CCDC82: variants seen among roughly 807,000 people sequenced by gnomAD.
The protein encoded by CCDC82 is coiled-coil domain-containing protein 82.
In CCDC82, 47 loss-of-function variants were observed where a neutral mutation model predicts 60.6. The observed-to-expected ratio is 0.77, with a 90% CI of 0.61 to 0.99. CCDC82 has a LOEUF of 0.99. Ranked by LOEUF, CCDC82 falls within the 50% of genes least tolerant of loss-of-function variation. The probability of loss-of-function intolerance (pLI) is 0.00; values close to 1 mark genes in which losing one functional copy is unlikely to be tolerated. For synonymous variants in CCDC82, 212 were observed against 207.4 expected, an observed-to-expected ratio of 1.02 and a Z score of -0.19; for missense variants, 588 against 633.0, an observed-to-expected ratio of 0.93 and a Z score of 0.76.
At position 96,383,296 on chromosome 11, in the gene CCDC82, G is replaced by C. The variant is rs988454017; in HGVS notation, c.964C>G (p.Leu322Val). 1 of 1,594,072 alleles carries C rather than the reference G, an allele frequency of 6.3e-7. No individual in the cohort carries two copies. The highest frequency in any genetic ancestry group is 1.3e-5 in the African/African-American group (1 of 74,646). The change falls in exon 5 of 10, where the codon CTG becomes GTG. Residue 322 changes from leucine to valine, a missense_variant. By Grantham distance (32) the Leu-to-Val change is conservative. Coordinates refer to ENST00000646818, the MANE Select transcript of CCDC82 (RefSeq NM_024725.4). Reference protein sequence around the residue: ...QQGEKLTTSQLKLVKQNSLYS... With the variant: ...QQGEKLTTSQVKLVKQNSLYS... ...AGAGAATTCTGTTTTACTAATTTCA[G>C]TTGTGATGTAGTCAATTTTTCTCCT...
At position 96,364,835 on chromosome 11, in the gene CCDC82, A is replaced by G. The variant is rs546743975; in HGVS notation, c.1380+145T>C. ...CCTATTAGATGAACAGCTATCTTCC[A>G]TTATTTACTTGTGGGTTGCCAATTT... On this transcript the variant is annotated intron_variant, in intron 8 of 9. Coordinates refer to ENST00000646818, the MANE Select transcript of CCDC82 (RefSeq NM_024725.4). 40 of 619,856 alleles carry G rather than the reference A, an allele frequency of 6.5e-5. No individual in the cohort carries two copies. In the Middle Eastern group the frequency reaches 1.3e-3, roughly 21 times the overall value. 38.4% of individuals were successfully genotyped at this position (619,856 alleles called of 1,614,324 possible). A position where few individuals can be genotyped will look rare whatever the true frequency, so the allele number is the denominator to read the frequency against.
chr11:96,358,504 A>T (rs926240640), intron 9 of CCDC82: 2 of 1,231,834 alleles, frequency 1.6e-6, no homozygotes, highest in African/African-American at 3.1e-5. Flanking sequence ...TACAGTGCTC[A>T]CTGCTCAGTC....
intron 5 of CCDC82, chr11:96,381,500 T>C (rs987544305): frequency 6.6e-6 from 1 of 151,692 alleles, no homozygotes; most frequent in Non-Finnish European, 1.5e-5. Context: ...TTGGAAAGAA[T>C]GCACTCAAAG....
At chr11:96,369,956 C>T in intron 7 of CCDC82, among the ~76,000 whole-genome samples, 1 of 152,306 alleles carries the variant, frequency 6.6e-6, no homozygotes, top group East Asian at 1.9e-4. Context: ...TACAGTATTT[C>T]ATTTCACAAT....
intron 1 of CCDC82, chr11:96,388,468 T>C (rs1326723592): frequency 6.6e-6 from 1 of 152,178 alleles, no homozygotes; most frequent in African/African-American, 2.4e-5. Flanking sequence ...CATCTTTGTG[T>C]TTCATGGTTA....
intron 6 of CCDC82, among the ~76,000 whole-genome samples, chr11:96,372,625 TATATATATAA>T (rs1344429451): frequency 4.8e-5 from 7 of 145,480 alleles, no homozygotes; most frequent in Non-Finnish European, 9.0e-5. Context: ...AATGGGGATA[TATATATATAA>T]ATATAAATAT....
chr11:96,374,356 G>A (rs1465682327), intron 5 of CCDC82, among the ~76,000 whole-genome samples: 1 of 152,030 alleles, frequency 6.6e-6, no homozygotes, highest in African/African-American at 2.4e-5. Context: ...AAAGAAAGAT[G>A]GGATTCAACA....
chr11:96,388,956 C>T (rs1866371774), intron 1 of CCDC82: 2 of 152,262 alleles, frequency 1.3e-5, no homozygotes, highest in South Asian at 4.1e-4. Context: ...GTCTCTGCTC[C>T]CAAGGAGCTC....
chr11:96,377,005 T>G (rs1317356504), intron 5 of CCDC82, among the ~76,000 whole-genome samples: 1 of 152,154 alleles, frequency 6.6e-6, no homozygotes, highest in Non-Finnish European at 1.5e-5. Flanking sequence ...CTCTGCTTTC[T>G]CCCACAACCC....
At chr11:96,360,983 A>G (rs1052438821) in intron 8 of CCDC82, among the ~76,000 whole-genome samples, 1 of 152,242 alleles carries the variant, frequency 6.6e-6, no homozygotes, top group Non-Finnish European at 1.5e-5. Context: ...CATTAGAAGT[A>G]AACAGGTATT....
chr11:96,356,558 C>T (rs1275089781), intron 9 of CCDC82: 1 of 985,038 alleles, frequency 1.0e-6, no homozygotes, highest in Non-Finnish European at 1.2e-6. Flanking sequence ...ACACTTTCTT[C>T]TTAATGAACA....
chr11:96,358,602 C>T, intron 9 of CCDC82: 1 of 1,234,200 alleles, frequency 8.1e-7, no homozygotes, highest in Non-Finnish European at 1.0e-6. Context: ...TCTTCACTCT[C>T]AGGTCACAAG....
At chr11:96,371,474 C>A (rs7928241) in intron 6 of CCDC82, among the ~76,000 whole-genome samples, 1 of 152,046 alleles carries the variant, frequency 6.6e-6, no homozygotes, top group South Asian at 2.1e-4. Flanking sequence ...CCCAGCTACT[C>A]GGGAGGCTGA....
chr11:96,360,175 T>A (rs1003729141), intron 8 of CCDC82, among the ~76,000 whole-genome samples: 65 of 144,106 alleles, frequency 4.5e-4, no homozygotes, highest in Non-Finnish European at 3.0e-4. Flanking sequence ...TATTAAAATA[T>A]TTATTTAAAT....
In CCDC82 at chr11:96,356,461, GCTTT is replaced by G. The variant is rs1330236792; in HGVS notation, c.1566+2528_1566+2531del. The G allele has an allele frequency of 3.0e-6, 3 of 985,194 alleles. No individual in the cohort carries two copies. The African/African-American group carries it at 5.2e-5, about 17-fold the overall frequency. 61.0% of individuals were successfully genotyped at this position (985,194 alleles called of 1,614,324 possible). On this transcript the variant is annotated intron_variant, in intron 9 of 9. Transcript: ENST00000646818. ...GGGCATCTGATACTTCTATTGACAT[GCTTT>G]CTTTACTACCTGGTGTTTATGCATC...
chr11:96,383,852 A>C lies in CCDC82; in HGVS notation c.786+110T>G. ...TTCAAGAATACTTGATTAAAAAATA[A>C]ATTCTAGAATTATTGAGAAATGGAA... On this transcript the variant is annotated intron_variant, in intron 4 of 9. Transcript: ENST00000646818. 1.0e-6 allele frequency: 1 copy of C among 985,304 alleles called. No homozygotes were observed. Among genetic ancestry groups the C allele is most frequent in the East Asian group, 2.6e-5 (1 of 37,972 alleles). 61.0% of individuals were successfully genotyped at this position (985,304 alleles called of 1,614,324 possible).
intron 9 of CCDC82, chr11:96,358,604 G>T: frequency 8.1e-7 from 1 of 1,235,226 alleles, no homozygotes; most frequent in Non-Finnish European, 1.0e-6. Context: ...TTCACTCTCA[G>T]GTCACAAGAA....
At chr11:96,373,839 A>G (rs1421695913) in intron 5 of CCDC82, among the ~76,000 whole-genome samples, 7 of 152,200 alleles carry the variant, frequency 4.6e-5, no homozygotes, top group Admixed American at 4.6e-4. Flanking sequence ...AGACAGATTA[A>G]TATGTCTTAT....
At chr11:96,368,170 A>G (rs1484928635) in intron 7 of CCDC82, among the ~76,000 whole-genome samples, 3 of 152,164 alleles carry the variant, frequency 2.0e-5, no homozygotes, top group Non-Finnish European at 1.5e-5. Flanking sequence ...TTACTCCTTG[A>G]TCCATAGGCT....
Sources: allele counts gnomAD v4.1 joint callset (sites outside exome capture counted in the v4.1 genomes callset), GRCh38; gene constraint gnomAD v4.1.1; transcripts MANE v1.5; gene names NCBI Gene and HGNC (gene_info 2026-07-23, HGNC 2026-07-21).